Variants in DDX10 observed in about 807,000 individuals in gnomAD.
DDX10 encodes the protein DEAD-box helicase 10.
In DDX10, 74 loss-of-function variants were observed where a neutral mutation model predicts 104.3. That is an observed-to-expected ratio of 0.71 (90% CI 0.59 to 0.86). The LOEUF is 0.86. Among genes scored for constraint, DDX10 ranks in the 40% least tolerant of loss-of-function variants. The pLI is 0.00. For missense variants in DDX10, 952 were observed against 1,040.0 expected (o/e 0.92, Z 1.16); for synonymous variants, 351 against 353.4 (o/e 0.99, Z 0.08).
intron 8 of DDX10, 78 bp from the exon 9 acceptor site, chr11:108,693,438 G>A (rs1361443610): frequency 9.8e-7 from 1 of 1,017,596 alleles, no homozygotes; most frequent in Non-Finnish European, 1.6e-6. Context: ...GTCCTGGCAA[G>A]CAATATTTTA....
intron 16 of DDX10, among the ~76,000 whole-genome samples, chr11:108,873,036 A>C (rs1359499258): frequency 6.6e-6 from 1 of 152,198 alleles, no homozygotes; most frequent in Non-Finnish European, 1.5e-5. Context: ...TTATAGAATA[A>C]ACATCATGGG....
chr11:108,840,195 A>G (rs1862617890), intron 14 of DDX10, among the ~76,000 whole-genome samples: 1 of 152,166 alleles, frequency 6.6e-6, no homozygotes, highest in Admixed American at 6.5e-5. Context: ...GACTGCTAGC[A>G]TGGCTGCTCA....
chr11:108,686,235 C>G (rs2094243866), intron 6 of DDX10, among the ~76,000 whole-genome samples: 1 of 152,080 alleles, frequency 6.6e-6, no homozygotes, highest in African/African-American at 2.4e-5. Context: ...ATGGATGGAC[C>G]TATGTTTTTG....
chr11:108,682,270 A>C (rs575487208), intron 6 of DDX10, among the ~76,000 whole-genome samples: 62 of 151,990 alleles, frequency 4.1e-4, no homozygotes, highest in African/African-American at 1.4e-3. Context: ...ATGCCCACCT[A>C]ATTTTTGTAT....
chr11:108,862,956 T>C (rs565608993), intron 16 of DDX10, among the ~76,000 whole-genome samples: 1 of 152,294 alleles, frequency 6.6e-6, no homozygotes, highest in African/African-American at 2.4e-5. Context: ...TAACTGACCA[T>C]AGAAATTCAG....
intron 13 of DDX10, among the ~76,000 whole-genome samples, chr11:108,799,949 C>G (rs910259734): frequency 6.6e-6 from 1 of 151,998 alleles, no homozygotes; most frequent in Non-Finnish European, 1.5e-5. Flanking sequence ...GAGTCTGTCT[C>G]TCTCTGTTAC....
At chr11:108,721,037 G>C (rs2094297741) in intron 12 of DDX10, among the ~76,000 whole-genome samples, 1 of 152,016 alleles carries the variant, frequency 6.6e-6, no homozygotes, top group Admixed American at 6.6e-5. Flanking sequence ...ATATCAGCAT[G>C]AAATTTCCCA....
At chr11:108,787,493 T>A (rs1861811276) in intron 13 of DDX10, among the ~76,000 whole-genome samples, 1 of 152,212 alleles carries the variant, frequency 6.6e-6, no homozygotes, top group Non-Finnish European at 1.5e-5. Flanking sequence ...GCTGTAAACA[T>A]GGTCTCTTCA....
rs182482428 is a variant in DDX10 at position 108,758,245 on chromosome 11, G to A, written c.1965+34783G>A. Among the ~76,000 whole-genome samples the A allele has an allele frequency of 1.7e-3, 260 of 152,070 alleles. 1 individual carries two copies. Among genetic ancestry groups the A allele is most frequent in the Non-Finnish European group, 2.1e-3 (142 of 67,950 alleles). On this transcript the variant is annotated intron_variant, in intron 13 of 17. Coordinates refer to ENST00000322536, the MANE Select transcript of DDX10 (RefSeq NM_004398.4). ...GGTTCATGCTCAGTGGGTTTTCAGG[G>A]TGTTTGACAAATGCTTATATTATTT...
chr11:108,748,689 T>TC (rs1261345414), intron 13 of DDX10, among the ~76,000 whole-genome samples: 1 of 152,018 alleles, frequency 6.6e-6, no homozygotes, highest in African/African-American at 2.4e-5. Flanking sequence ...TTATTTAATT[T>TC]TTTTTTTAAG....
chr11:108,820,948 C>A (rs1319539288), intron 13 of DDX10, among the ~76,000 whole-genome samples: 1 of 152,184 alleles, frequency 6.6e-6, no homozygotes, highest in East Asian at 1.9e-4. Flanking sequence ...ATGTCAGAGT[C>A]TTTGAGTGTT....
In DDX10 at chr11:108,763,210, G is replaced by A. The variant is rs2094352772; in HGVS notation, c.1965+39748G>A. Among the ~76,000 whole-genome samples, 2 of 152,142 alleles carry A rather than the reference G, an allele frequency of 1.3e-5. 1 individual carries two copies. The highest frequency in any genetic ancestry group is 4.1e-4 in the South Asian group (2 of 4,832). On this transcript the variant is annotated intron_variant, in intron 13 of 17. Transcript: ENST00000322536. ...TCTGGTTGCAATTCCTTGGTGGCCA[G>A]ATCACACTGTGCGCTGTAGCAGTAA...
intron 16 of DDX10, among the ~76,000 whole-genome samples, chr11:108,900,034 C>T (rs989335994): frequency 2.0e-5 from 3 of 152,072 alleles, no homozygotes; most frequent in African/African-American, 7.2e-5. Context: ...AATCGCTTGA[C>T]CCAGGAGGCG....
intron 16 of DDX10, among the ~76,000 whole-genome samples, chr11:108,869,246 G>T (rs1282109052): frequency 3.3e-5 from 5 of 149,874 alleles, no homozygotes; most frequent in Non-Finnish European, 7.4e-5. Flanking sequence ...TAAAATTCCA[G>T]CCCATTTACC....
intron 17 of DDX10, chr11:108,919,954 C>CG (rs1389362545): frequency 2.8e-4 from 2 of 7,136 alleles, no homozygotes; most frequent in Non-Finnish European, 5.9e-4. Context: ...ATTGTCCTTA[C>CG]ATTTTTTTTT....
chr11:108,764,487 G>A (rs191559840), intron 13 of DDX10, among the ~76,000 whole-genome samples: 48 of 152,298 alleles, frequency 3.2e-4, no homozygotes, highest in African/African-American at 1.0e-3. Context: ...GGCCAACATG[G>A]TGAAACCCCG....
intron 13 of DDX10, among the ~76,000 whole-genome samples, chr11:108,730,935 T>G (rs1416111503): frequency 6.6e-6 from 1 of 152,182 alleles, no homozygotes; most frequent in Admixed American, 6.5e-5. Context: ...TGATAGGATT[T>G]TTGATGCTAA....
intron 11 of DDX10, among the ~76,000 whole-genome samples, chr11:108,716,424 A>G (rs1180926948): frequency 1.3e-5 from 2 of 152,140 alleles, no homozygotes; most frequent in African/African-American, 4.8e-5. Flanking sequence ...AAAATTTTGA[A>G]AAATATTTTT....
intron 16 of DDX10, among the ~76,000 whole-genome samples, chr11:108,898,516 A>G (rs771384799): frequency 6.6e-6 from 1 of 152,158 alleles, no homozygotes; most frequent in Non-Finnish European, 1.5e-5. Flanking sequence ...AACAAATGAC[A>G]CAGAAAGACA....
Sources: allele counts gnomAD v4.1 joint callset (sites outside exome capture counted in the v4.1 genomes callset), GRCh38; gene constraint gnomAD v4.1.1; transcripts MANE v1.5; gene names NCBI Gene and HGNC (gene_info 2026-07-23, HGNC 2026-07-21).